The following NCALD variants were observed in gnomAD, a reference collection of about 807,000 sequenced individuals.
The protein encoded by NCALD is neurocalcin-delta.
NCALD carries 10 observed loss-of-function variants against 18.6 expected under a neutral mutation model. That is an observed-to-expected ratio of 0.54 (90% CI 0.33 to 0.91). The LOEUF (loss-of-function observed/expected upper bound fraction) is 0.91. NCALD is among the 40% of genes least tolerant of loss of function. The pLI, the probability that NCALD is intolerant of heterozygous loss-of-function variation, is 0.03. For synonymous variants in NCALD, 88 were observed against 87.4 expected (o/e 1.01, Z -0.04); for missense variants, 184 against 247.6 (o/e 0.74, Z 1.72).
intron 1 of NCALD, among the ~76,000 whole-genome samples, chr8:101,757,394 C>T (rs758158121): frequency 2.0e-5 from 3 of 152,162 alleles, no homozygotes; most frequent in South Asian, 2.1e-4. Flanking sequence ...CTTATCTCTC[C>T]GGAACTTAAA....
intron 4 of NCALD, among the ~76,000 whole-genome samples, chr8:101,841,564 T>C (rs577622879): frequency 8.9e-4 from 135 of 152,302 alleles, no homozygotes; most frequent in African/African-American, 3.0e-3. Flanking sequence ...ATTACCCAAA[T>C]GTCCTTTGAG....
chr8:101,770,667 G>C (rs1422452156), intron 1 of NCALD, among the ~76,000 whole-genome samples: 3 of 152,208 alleles, frequency 2.0e-5, no homozygotes, highest in African/African-American at 7.2e-5. Flanking sequence ...CACTTGGCAA[G>C]TAGCACAGAC....
intron 1 of NCALD, among the ~76,000 whole-genome samples, chr8:101,782,216 C>A (rs1398121230): frequency 6.6e-6 from 1 of 151,644 alleles, no homozygotes; most frequent in African/African-American, 2.4e-5. Flanking sequence ...ATGAGTATGA[C>A]TTTGATGAGT....
At chr8:101,906,831 G>A (rs1162716541) in intron 3 of NCALD, among the ~76,000 whole-genome samples, 2 of 152,182 alleles carry the variant, frequency 1.3e-5, no homozygotes, top group Non-Finnish European at 2.9e-5. Context: ...GGCCAGATAG[G>A]TGAGCAGCCC....
Position 101,824,915 on chromosome 8 carries a change from G to A in NCALD, c.-20+62226C>T, listed in dbSNP as rs191391260. ...CACCATACTGAAGAGGAATCTGGACGCTATCATCCACCAAGGTCATTACAT... is the reference window on the plus strand; with the variant it reads ...CACCATACTGAAGAGGAATCTGGACACTATCATCCACCAAGGTCATTACAT... On this transcript the variant is annotated intron_variant, in intron 4 of 6. Transcript: ENST00000311028. Among the ~76,000 whole-genome samples the A allele has an allele frequency of 1.1e-4, 17 of 152,254 alleles. No homozygotes were observed. In the East Asian group the frequency reaches 2.3e-3, roughly 21 times the overall value.
intron 2 of NCALD, among the ~76,000 whole-genome samples, chr8:102,018,378 G>A (rs1292194141): frequency 1.3e-5 from 2 of 152,010 alleles, no homozygotes; most frequent in East Asian, 3.8e-4. Context: ...ATAAACTTGT[G>A]GTATACCACA....
intron 4 of NCALD, among the ~76,000 whole-genome samples, chr8:101,871,249 C>T (rs1164490485): frequency 1.3e-5 from 2 of 152,072 alleles, no homozygotes; most frequent in African/African-American, 2.4e-5. Context: ...CAGTTCCTGC[C>T]CCCTTTTGGA....
intron 4 of NCALD, among the ~76,000 whole-genome samples, chr8:101,873,637 G>T (rs1816108760): frequency 6.6e-6 from 1 of 152,178 alleles, no homozygotes; most frequent in African/African-American, 2.4e-5. Context: ...TCATGGAGAT[G>T]GGACCTGAAT....
At chr8:101,843,722 C>G (rs929056878) in intron 4 of NCALD, among the ~76,000 whole-genome samples, 1 of 151,784 alleles carries the variant, frequency 6.6e-6, no homozygotes, top group Non-Finnish European at 1.5e-5. Flanking sequence ...GCTGGGATTA[C>G]AGGCGTGTGC....
chr8:101,747,164 C>T (rs1044502833), intron 1 of NCALD, among the ~76,000 whole-genome samples: 4 of 145,026 alleles, frequency 2.8e-5, no homozygotes, highest in Non-Finnish European at 6.1e-5. Context: ...GCCCCACACA[C>T]ACAGAGTCCT....
chr8:101,748,979 C>T (rs1810541147), intron 1 of NCALD, among the ~76,000 whole-genome samples: 1 of 152,096 alleles, frequency 6.6e-6, no homozygotes, highest in African/African-American at 2.4e-5. Flanking sequence ...GCTCTTCTTA[C>T]CCTGGAGCAT....
chr8:101,952,747 T>C (rs1333384338), intron 2 of NCALD, among the ~76,000 whole-genome samples: 2 of 152,124 alleles, frequency 1.3e-5, no homozygotes, highest in African/African-American at 2.4e-5. Context: ...GGCCCTTAAG[T>C]GTGGATGGCA....
intron 2 of NCALD, among the ~76,000 whole-genome samples, chr8:101,940,543 C>A (rs183876764): frequency 1.1e-3 from 163 of 152,318 alleles, no homozygotes; most frequent in African/African-American, 3.7e-3. Flanking sequence ...CCACATCTGT[C>A]TAATCTTCAG....
chr8:101,689,410 G>A lies in NCALD; in HGVS notation c.485-4C>T, dbSNP rs1343335807. 1.3e-6 allele frequency: 2 copies of A among 1,593,404 alleles called. No homozygotes were observed. Among genetic ancestry groups the A allele is most frequent in the East Asian group, 2.3e-5 (1 of 43,766 alleles). ...AACTCTTCCAGGGAGAGTTTTCCTA[G>A]GAAGCAAGAGGACAGGTGAGTGGTG... is the stretch of plus-strand genomic sequence containing the variant. On this transcript the variant is annotated splice_region_variant and splice_polypyrimidine_tract_variant and intron_variant, in intron 3 of 3. Coordinates refer to ENST00000220931, the MANE Select transcript of NCALD (RefSeq NM_032041.3). The surrounding 1 kb of genome is among the most constrained non-coding windows in gnomAD (Gnocchi z 4.4).
At position 101,803,140 on chromosome 8, in the gene NCALD, A is replaced by G. The variant is rs111525905; in HGVS notation, c.-19-83492T>C. Among the ~76,000 whole-genome samples the G allele has an allele frequency of 5.7e-3, 871 of 152,320 alleles. 11 individuals are homozygous for G. The highest frequency in any genetic ancestry group is 0.018 in the African/African-American group (766 of 41,572). ...AAAAACAGGCTGACTCTTTGTTAGG[A>G]GCTAATGCAAGTGGTAACTTTAACT... On this transcript the variant is annotated intron_variant, in intron 4 of 6. Transcript: ENST00000311028.
intron 2 of NCALD, among the ~76,000 whole-genome samples, chr8:101,932,352 T>C (rs1260082447): frequency 6.6e-6 from 1 of 152,188 alleles, no homozygotes; most frequent in Non-Finnish European, 1.5e-5. Context: ...ACATTCTGCA[T>C]GTCCCCCAAA....
At chr8:101,991,521 T>G (rs1262554512) in intron 2 of NCALD, among the ~76,000 whole-genome samples, 1 of 152,186 alleles carries the variant, frequency 6.6e-6, no homozygotes, top group African/African-American at 2.4e-5. Context: ...TTACAAAAAG[T>G]TACCTGAGAC....
chr8:101,937,360 GA>G (rs1818802925), intron 2 of NCALD, among the ~76,000 whole-genome samples: 1 of 152,028 alleles, frequency 6.6e-6, no homozygotes, highest in Non-Finnish European at 1.5e-5. Context: ...CCCTCAAGTA[GA>G]ACCCAGTGTC....
chr8:101,776,946 A>T (rs1162289873), intron 1 of NCALD, among the ~76,000 whole-genome samples: 1 of 152,182 alleles, frequency 6.6e-6, no homozygotes, highest in African/African-American at 2.4e-5. Context: ...CACTCTGCAG[A>T]AGAGGATACA....
Sources: gnomAD v4.1 joint callset for allele counts (sites outside exome capture counted in the v4.1 genomes callset) on GRCh38, gnomAD v4.1.1 for gene constraint, Gnocchi (gnomAD v3.1) non-coding constraint, MANE v1.5 for transcripts, NCBI Gene and HGNC (gene_info 2026-07-23, HGNC 2026-07-21) for gene names.